Variants in DDX60L observed in about 807,000 individuals in gnomAD.
DDX60L encodes probable ATP-dependent RNA helicase DDX60-like.
A neutral mutation model predicts 211.6 loss-of-function variants in DDX60L; 191 were observed. That is an observed-to-expected ratio of 0.90 (90% confidence interval 0.80 to 1.02). The LOEUF is 1.02. Ranked by LOEUF, DDX60L falls within the 50% of genes least tolerant of loss-of-function variation. The pLI, the probability that DDX60L is intolerant of heterozygous loss-of-function variation, is 0.00. For missense variants in DDX60L, 2,007 were observed against 1,984.1 expected (o/e 1.01, Z -0.22); for synonymous variants, 706 against 694.1 (o/e 1.02, Z -0.27).
chr4:168,381,144 C>A (rs1480005046), intron 30 of DDX60L, among the ~76,000 whole-genome samples: 1 of 152,174 alleles, frequency 6.6e-6, no homozygotes, highest in Non-Finnish European at 1.5e-5. Flanking sequence ...GAGTATAAAT[C>A]TGAAAAATAT....
In DDX60L at chr4:168,433,134, TTAAGA is replaced by T. The variant is rs745651569; in HGVS notation, c.1295-24_1295-20del. 1.6e-5 allele frequency: 24 copies of T among 1,524,598 alleles called. No individual in the cohort carries two copies. The highest frequency in any genetic ancestry group is 1.8e-5 in the Non-Finnish European group (20 of 1,109,340). 94.4% of individuals were successfully genotyped at this position (1,524,598 alleles called of 1,614,324 possible). The stretch of plus-strand genomic sequence containing the variant: ...GAGATTTCTGAAAACAAATATAAAT[TTAAGA>T]TGAGAGGAAAGGTGTAACTATCCTA... On this transcript the variant is annotated intron_variant, in intron 10 of 37. Transcript: ENST00000682922.
chr4:168,461,704 T>C lies in DDX60L; in HGVS notation c.601A>G (p.Lys201Glu). ...GAGTTATTAATGTCAATTACCTCCT[T>C]GGAAAAAGTTTGGTTTCTGTCTGTG... ...ESTDRNQTFS[K>E]ENETVIQSAY... The change falls in exon 5 of 38, where the codon AAG becomes GAG. Residue 201 changes from lysine (K) to glutamate (E), a missense_variant. Coordinates refer to ENST00000682922, the MANE Select transcript of DDX60L (RefSeq NM_001012967.3). The C allele has an allele frequency of 1.3e-6, 2 of 1,528,448 alleles. No individual in the cohort carries two copies. Among genetic ancestry groups the C allele is most frequent in the South Asian group, 1.3e-5 (1 of 78,502 alleles). 94.7% of individuals were successfully genotyped at this position (1,528,448 alleles called of 1,614,324 possible).
intron 10 of DDX60L, among the ~76,000 whole-genome samples, chr4:168,437,447 A>G (rs1753199160): frequency 6.6e-6 from 1 of 152,082 alleles, no homozygotes; most frequent in Non-Finnish European, 1.5e-5. Context: ...GAGGCATGGG[A>G]TTGTAAATTC....
chr4:168,420,138 T>C (rs1750256070), intron 18 of DDX60L, 123 bp downstream of exon 18: 1 of 892,022 alleles, frequency 1.1e-6, no homozygotes. Flanking sequence ...GCAATTTCAT[T>C]TTCTTTGTGA....
chr4:168,412,591 G>A (rs1386344177), intron 22 of DDX60L, among the ~76,000 whole-genome samples: 4 of 152,138 alleles, frequency 2.6e-5, no homozygotes, highest in Non-Finnish European at 5.9e-5. Context: ...CGTGAGATCC[G>A]GGGAACCTGC....
chr4:168,421,847 T>C lies in DDX60L; in HGVS notation c.2307A>G (p.Ser769=). 1.2e-6 allele frequency: 2 copies of C among 1,614,190 alleles called. No homozygotes were observed. The highest frequency in any genetic ancestry group is 1.3e-5 in the African/African-American group (1 of 75,042). ...AGTAGTAGGAAGCATAGGTTTTGCC[T>C]GAGGACGTTGGGGCAACAATCACTG... ...ESAVIVAPTS[S]GKTYASYYCM... The change falls in exon 17 of 38, where the codon TCA becomes TCG. Residue 769 remains serine, a synonymous_variant. Transcript: ENST00000682922.
chr4:168,449,420 T>G, intron 8 of DDX60L, among the ~76,000 whole-genome samples: 1 of 104,136 alleles, frequency 9.6e-6, no homozygotes, highest in East Asian at 2.7e-4. Flanking sequence ...AACAATGAGA[T>G]CACATGGACA....
chr4:168,466,616 T>C (rs1758023043), intron 4 of DDX60L, among the ~76,000 whole-genome samples: 1 of 152,200 alleles, frequency 6.6e-6, no homozygotes, highest in Non-Finnish European at 1.5e-5. Context: ...AGTAGAGCAG[T>C]TGCTATTAAG....
intron 27 of DDX60L, among the ~76,000 whole-genome samples, chr4:168,395,414 A>G (rs983185628): frequency 2.6e-5 from 4 of 152,210 alleles, no homozygotes; most frequent in African/African-American, 9.7e-5. Context: ...ACTACAGGCA[A>G]TAGAATAAAA....
chr4:168,361,133 T>A lies in DDX60L; in HGVS notation c.4991+16A>T. ...CATTAAATAATTGAGAAAATCAAAC[T>A]CAGCATGAAACATACCTGATAGCCT... On this transcript the variant is annotated intron_variant, in intron 37 of 37. Transcript: ENST00000682922. 1.3e-6 allele frequency: 2 copies of A among 1,584,550 alleles called. No homozygotes were observed. Among genetic ancestry groups the A allele is most frequent in the Non-Finnish European group, 1.7e-6 (2 of 1,157,982 alleles).
In DDX60L at chr4:168,449,018, G is replaced by A. The variant is rs571677021; in HGVS notation, c.997-239C>T. Among the ~76,000 whole-genome samples, 6 of 152,164 alleles carry A rather than the reference G, an allele frequency of 3.9e-5. No homozygotes were observed. In the East Asian group the frequency reaches 5.8e-4, roughly 15 times the overall value. ...GTACTCATTATTTACCTTATAGTAC[G>A]CTGTTCCCTTAATGTGGTACTAAAA... is the stretch of plus-strand genomic sequence containing the variant. On this transcript the variant is annotated intron_variant, in intron 8 of 37. Transcript: ENST00000682922.
intron 10 of DDX60L, among the ~76,000 whole-genome samples, chr4:168,437,014 G>C (rs1753125796): frequency 6.6e-6 from 1 of 152,076 alleles, no homozygotes; most frequent in Non-Finnish European, 1.5e-5. Context: ...ATCCCTTAAG[G>C]GTTCCGTAGT....
At chr4:168,435,558 G>C (rs893609273) in intron 10 of DDX60L, among the ~76,000 whole-genome samples, 5 of 152,134 alleles carry the variant, frequency 3.3e-5, no homozygotes, top group Non-Finnish European at 1.5e-5. Flanking sequence ...TTCATTGTTT[G>C]AGCAAAATAA....
Position 168,447,542 on chromosome 4 carries a change from A to G in DDX60L, c.1138+1096T>C, listed in dbSNP as rs1196496102. Among the ~76,000 whole-genome samples the G allele has an allele frequency of 2.0e-5, 3 of 152,254 alleles. No individual in the cohort carries two copies. In the East Asian group the frequency reaches 5.8e-4, roughly 29 times the overall value. ...CCATCCCATTACTGGGTATATACCC[A>G]AAGGACTATAAATCATGCTGCTATA... On this transcript the variant is annotated intron_variant, in intron 9 of 37. Coordinates refer to ENST00000682922, the MANE Select transcript of DDX60L (RefSeq NM_001012967.3).
At chr4:168,418,153 T>A (rs1749886920) in intron 19 of DDX60L, among the ~76,000 whole-genome samples, 1 of 152,188 alleles carries the variant, frequency 6.6e-6, no homozygotes, top group African/African-American at 2.4e-5. Flanking sequence ...CTGCAACCTC[T>A]GCCTCCCGGG....
chr4:168,375,359 G>A lies in DDX60L; in HGVS notation c.4633+18C>T. On this transcript the variant is annotated intron_variant, in intron 34 of 37. Coordinates refer to ENST00000682922, the MANE Select transcript of DDX60L (RefSeq NM_001012967.3). ...TTACTCTTTAAATTGTTCCGGAATG[G>A]AACTAAAATCTGCTTACTGATTCTT... 1 of 1,607,436 alleles carries A rather than the reference G, an allele frequency of 6.2e-7. No individual in the cohort carries two copies. Among genetic ancestry groups the A allele is most frequent in the Non-Finnish European group, 8.5e-7 (1 of 1,176,312 alleles).
intron 6 of DDX60L, among the ~76,000 whole-genome samples, chr4:168,457,293 T>TACAC (rs756649479): frequency 1.6e-5 from 2 of 125,746 alleles, no homozygotes; most frequent in South Asian, 2.7e-4. Context: ...CACACACACA[T>TACAC]ACACACACAC....
chr4:168,453,390 G>A, intron 7 of DDX60L, 108 bp from the exon 8 acceptor site: 1 of 1,183,858 alleles, frequency 8.4e-7, no homozygotes, highest in Non-Finnish European at 1.2e-6. Context: ...ATCTACATTT[G>A]TGAGAAAGTC....
intron 14 of DDX60L, 107 bp from the exon 15 acceptor site, chr4:168,423,881 A>C: frequency 1.5e-6 from 1 of 650,566 alleles, no homozygotes; most frequent in Non-Finnish European, 2.4e-6. Context: ...ATTAAACCTC[A>C]CTATTTTACT....
Sources: allele counts gnomAD v4.1 joint callset (sites outside exome capture counted in the v4.1 genomes callset), GRCh38; gene constraint gnomAD v4.1.1; transcripts MANE v1.5; gene names NCBI Gene and HGNC (gene_info 2026-07-23, HGNC 2026-07-21).